The following PNPLA1 variants were observed in gnomAD, a reference collection of about 807,000 sequenced individuals.
PNPLA1 encodes the protein patatin like domain 1, omega-hydroxyceramide transacylase.
PNPLA1 carries 36 observed loss-of-function variants against 51.7 expected under a neutral mutation model. The observed-to-expected ratio is 0.70, with a 90% CI of 0.53 to 0.92. The LOEUF (loss-of-function observed/expected upper bound fraction) is 0.92. Among genes scored for constraint, PNPLA1 ranks in the 40% least tolerant of loss-of-function variants. The probability of loss-of-function intolerance (pLI) is 0.00; values close to 1 mark genes in which losing one functional copy is unlikely to be tolerated. For missense variants in PNPLA1, 658 were observed against 682.5 expected (o/e 0.96, Z 0.40); for synonymous variants, 293 against 280.1 (o/e 1.05, Z -0.46).
chr6:36,292,067 A>G (rs1477078902), intron 2 of PNPLA1, among the ~76,000 whole-genome samples: 1 of 152,134 alleles, frequency 6.6e-6, no homozygotes, highest in Non-Finnish European at 1.5e-5. Flanking sequence ...TAAGCTCATT[A>G]ATATTAATTT....
chr6:36,289,503 C>T (rs1322350941), intron 1 of PNPLA1, among the ~76,000 whole-genome samples: 2 of 152,152 alleles, frequency 1.3e-5, no homozygotes, highest in East Asian at 3.8e-4. Flanking sequence ...AACCGTAGGG[C>T]CTTTCTGCCT....
At chr6:36,292,359 G>A (rs6903010) in intron 2 of PNPLA1, among the ~76,000 whole-genome samples, 61,376 of 151,242 alleles carry the variant, frequency 0.41, 12,692 homozygotes, top group African/African-American at 0.47. Flanking sequence ...GCCCACCCCC[G>A]TTCTGACTTC....
chr6:36,290,882 G>A (rs1163611807), intron 1 of PNPLA1, among the ~76,000 whole-genome samples: 1 of 152,172 alleles, frequency 6.6e-6, no homozygotes, highest in Non-Finnish European at 1.5e-5. Flanking sequence ...GCGTCACTTA[G>A]GAACAACTTC....
chr6:36,278,032 A>G (rs978380978), intron 1 of PNPLA1, among the ~76,000 whole-genome samples: 1 of 152,124 alleles, frequency 6.6e-6, no homozygotes, highest in African/African-American at 2.4e-5. Flanking sequence ...TCCTGCCTAG[A>G]ATGACCCTCT....
At chr6:36,299,698 C>T (rs1397443065) in intron 5 of PNPLA1, among the ~76,000 whole-genome samples, 5 of 152,110 alleles carry the variant, frequency 3.3e-5, no homozygotes, top group East Asian at 3.9e-4. Context: ...AGGTGCATGT[C>T]GGTAACTTAT....
rs1440869269 is a variant in PNPLA1 at position 36,313,478 on chromosome 6, T to A, written c.*1592T>A. On this transcript the variant is annotated 3_prime_UTR_variant, in exon 9 of 9. Coordinates refer to ENST00000636260, the MANE Select transcript of PNPLA1 (RefSeq NM_001374623.1). ...CCCTTTGGAGCCTGAGGAGACCATATGCAAATTTAAGCCTGGTGGGGCTGG... is the reference window on the plus strand; with the variant it reads ...CCCTTTGGAGCCTGAGGAGACCATAAGCAAATTTAAGCCTGGTGGGGCTGG... Among the ~76,000 whole-genome samples the A allele has an allele frequency of 1.3e-5, 2 of 152,184 alleles. No individual in the cohort carries two copies. The highest frequency in any genetic ancestry group is 2.9e-5 in the Non-Finnish European group (2 of 68,028).
chr6:36,253,474 T>C (rs1187541630), intron 1 of PNPLA1, among the ~76,000 whole-genome samples: 4 of 152,202 alleles, frequency 2.6e-5, no homozygotes, highest in South Asian at 4.1e-4. Flanking sequence ...ACAACTGTTA[T>C]AATTCTTGAT....
upstream of PNPLA1, among the ~76,000 whole-genome samples, chr6:36,265,212 A>T (rs1769735800): frequency 6.6e-6 from 1 of 152,146 alleles, no homozygotes; most frequent in Admixed American, 6.6e-5. Flanking sequence ...GTTTTGGCAC[A>T]TACCTGTAAT....
chr6:36,302,447 A>G lies in PNPLA1; in HGVS notation c.1362A>G (p.Glu454=). 6.4e-7 allele frequency: 1 copy of G among 1,551,552 alleles called. No homozygotes were observed. The highest frequency in any genetic ancestry group is 8.7e-7 in the Non-Finnish European group (1 of 1,148,826). Residue 454 remains glutamate, a synonymous_variant, in exon 6 of 9, where the codon GAA becomes GAG. Transcript: ENST00000636260. The part of the protein sequence containing the change: ...SAFPAQPPVE[E]LGQEQPQAVA... The stretch of plus-strand genomic sequence containing the variant: ...TCCCTGCTCAGCCACCTGTGGAGGA[A>G]CTAGGCCAAGAACAGCCCCAAGGTA...
Position 36,291,505 on chromosome 6 carries a change from G to A in PNPLA1, c.391G>A (p.Glu131Lys). ...GAGCCTCACCCGCTTAACGGACGGGGAGAATGTGGTGGTTTCAGAGTTCAC... is the reference window on the plus strand; with the variant it reads ...GAGCCTCACCCGCTTAACGGACGGGAAGAATGTGGTGGTTTCAGAGTTCAC... Reference protein sequence around the residue: ...HVSLTRLTDGENVVVSEFTSK... With the variant: ...HVSLTRLTDGKNVVVSEFTSK... Residue 131 changes from glutamate to lysine, a missense_variant, in exon 2 of 9, where the codon GAG (glutamate) becomes AAG (lysine). Transcript: ENST00000636260. 1 of 1,372,252 alleles carries A rather than the reference G, an allele frequency of 7.3e-7. No individual in the cohort carries two copies. Among genetic ancestry groups the A allele is most frequent in the Non-Finnish European group, 9.7e-7 (1 of 1,027,678 alleles). The allele number at this position is 1,372,252 out of a possible 1,614,324, so 85.0% of individuals were successfully genotyped here.
chr6:36,311,266 C>T (rs895185514), intron 8 of PNPLA1, among the ~76,000 whole-genome samples: 1 of 152,188 alleles, frequency 6.6e-6, no homozygotes, highest in African/African-American at 2.4e-5. Flanking sequence ...CTCAGGGAAC[C>T]TGGTGGAGGT....
rs868302345 is a variant in PNPLA1, at chr6:36,295,009, A to C, written c.715-355A>C. ...TGAGGCTGTGAGAGGGGACAGCAAC[A>C]CAGCCAATAAGGGGCAGCCCAGAGA... On this transcript the variant is annotated intron_variant, in intron 4 of 8. Transcript: ENST00000636260. 3.0e-4 allele frequency among the ~76,000 whole-genome samples: 45 copies of C among 152,306 alleles called. 1 individual carries two copies. Among genetic ancestry groups the C allele is most frequent in the African/African-American group, 1.0e-3 (43 of 41,568 alleles).
At position 36,309,833 on chromosome 6, in the gene PNPLA1, G is replaced by A. The variant is rs77956599; in HGVS notation, c.1596-1930G>A. 8.2e-3 allele frequency among the ~76,000 whole-genome samples: 1,246 copies of A among 152,238 alleles called. 15 individuals are homozygous for A. Among genetic ancestry groups the A allele is most frequent in the African/African-American group, 0.026 (1,060 of 41,532 alleles). ...GGGTAGAAAAGAGAAGCTCAAAAAT[G>A]TTAGGGATGGAGAAGGGGGGAGTGA... On this transcript the variant is annotated intron_variant, in intron 8 of 8. Transcript: ENST00000636260.
chr6:36,303,656 A>AC (rs1048007512), intron 6 of PNPLA1, among the ~76,000 whole-genome samples: 19 of 151,730 alleles, frequency 1.3e-4, no homozygotes, highest in African/African-American at 4.6e-4. Flanking sequence ...ACATGGTGAA[A>AC]CCCCATCTCT....
chr6:36,291,269 C>T, intron 1 of PNPLA1, 51 bp from the exon 2 acceptor site: 1 of 1,491,404 alleles, frequency 6.7e-7, no homozygotes, highest in Non-Finnish European at 9.2e-7. Context: ...TCCCTTGGCC[C>T]CTGGCCACTG....
intron 1 of PNPLA1, among the ~76,000 whole-genome samples, chr6:36,280,271 A>G (rs1296125369): frequency 1.3e-5 from 2 of 152,210 alleles, no homozygotes. Context: ...TTTCATGGTA[A>G]TTGTGAGCTC....
At position 36,272,010 on chromosome 6, in the gene PNPLA1, A is replaced by G. The variant is rs999266084; in HGVS notation, c.205+1346A>G. On this transcript the variant is annotated intron_variant, in intron 1 of 8. Transcript: ENST00000636260. ...GTTACAGCAGCGGTCTCCAGTTGAC[A>G]CCAGCGACTGGTTTTGTGGAAGACA... Among the ~76,000 whole-genome samples the G allele has an allele frequency of 5.3e-5, 8 of 152,324 alleles. No individual in the cohort carries two copies. In the East Asian group the frequency reaches 1.5e-3, roughly 29 times the overall value.
chr6:36,299,818 G>A (rs1770975832), intron 5 of PNPLA1, among the ~76,000 whole-genome samples: 4 of 152,116 alleles, frequency 2.6e-5, no homozygotes, highest in Admixed American at 1.3e-4. Context: ...CCACTCTTTT[G>A]TACATTTCTC....
At chr6:36,295,560 T>A in intron 5 of PNPLA1, 136 bp downstream of exon 5, 2 of 941,786 alleles carry the variant, frequency 2.1e-6, no homozygotes. Flanking sequence ...GAGCTGGAAA[T>A]GGGGGTGGGG....
Sources: allele counts gnomAD v4.1 joint callset (sites outside exome capture counted in the v4.1 genomes callset), GRCh38; gene constraint gnomAD v4.1.1; transcripts MANE v1.5; gene names NCBI Gene and HGNC (gene_info 2026-07-23, HGNC 2026-07-21).